CAMK4: variants seen among roughly 807,000 people sequenced by gnomAD.
The protein encoded by CAMK4 is calcium/calmodulin-dependent protein kinase type IV.
Under a neutral mutation model 44.9 loss-of-function variants are expected in CAMK4, and 22 were observed. That is an observed-to-expected ratio of 0.49 (90% CI 0.35 to 0.70). CAMK4 has a LOEUF of 0.70. CAMK4 is among the 30% of genes least tolerant of loss of function. CAMK4 has a pLI of 0.01. For missense variants in CAMK4, 498 were observed against 586.8 expected (o/e 0.85, Z 1.56); for synonymous variants, 218 against 215.4 (o/e 1.01, Z -0.11).
Position 111,272,120 on chromosome 5 carries a change from T to C in CAMK4, c.161+47476T>C, listed in dbSNP as rs564002735. Reference sequence around the variant, plus strand: ...GTGTGTGTGTGTTTGTGTGTGTGTTTGTGTGTGTGTGTGTGGTTATTGAAT... The same window carrying C: ...GTGTGTGTGTGTTTGTGTGTGTGTTCGTGTGTGTGTGTGTGGTTATTGAAT... On this transcript the variant is annotated intron_variant, in intron 1 of 10. Coordinates refer to ENST00000282356, the MANE Select transcript of CAMK4 (RefSeq NM_001744.6). Among the ~76,000 whole-genome samples the C allele has an allele frequency of 1.5e-4, 23 of 150,752 alleles. No individual in the cohort carries two copies. The East Asian group carries it at 4.5e-3, about 29-fold the overall frequency.
chr5:111,317,667 C>A (rs1440134353), intron 1 of CAMK4, among the ~76,000 whole-genome samples: 1 of 151,722 alleles, frequency 6.6e-6, no homozygotes, highest in Non-Finnish European at 1.5e-5. Context: ...ATCTGATGGT[C>A]AAGTAGGCCA....
chr5:111,363,920 T>C (rs1690218449), intron 2 of CAMK4, among the ~76,000 whole-genome samples: 1 of 152,138 alleles, frequency 6.6e-6, no homozygotes, highest in Non-Finnish European at 1.5e-5. Flanking sequence ...GATATCATTC[T>C]GGATGTTGTG....
intron 7 of CAMK4, among the ~76,000 whole-genome samples, chr5:111,464,569 C>T (rs1189033013): frequency 6.6e-6 from 1 of 152,074 alleles, no homozygotes; most frequent in African/African-American, 2.4e-5. Flanking sequence ...AGGAAATAAT[C>T]TTAAGAGCCA....
At chr5:111,363,199 A>G (rs976426671) in intron 2 of CAMK4, among the ~76,000 whole-genome samples, 3 of 152,114 alleles carry the variant, frequency 2.0e-5, no homozygotes, top group African/African-American at 4.8e-5. Context: ...AAGAGAATCT[A>G]GAGGCTCTTT....
At chr5:111,268,540 A>G (rs1235765662) in intron 1 of CAMK4, among the ~76,000 whole-genome samples, 1 of 152,224 alleles carries the variant, frequency 6.6e-6, no homozygotes, top group Non-Finnish European at 1.5e-5. Context: ...AAATCTAAAC[A>G]TTTGCAGGGA....
chr5:111,410,873 T>C (rs1368078250), intron 5 of CAMK4, among the ~76,000 whole-genome samples: 1 of 152,164 alleles, frequency 6.6e-6, no homozygotes, highest in East Asian at 1.9e-4. Flanking sequence ...TTTGATTTTA[T>C]TATTATTAAA....
chr5:111,391,558 A>G (rs1179094641), intron 4 of CAMK4, among the ~76,000 whole-genome samples: 1 of 152,108 alleles, frequency 6.6e-6, no homozygotes, highest in African/African-American at 2.4e-5. Flanking sequence ...AGTGTTACAA[A>G]ATAAGCTAAA....
intron 1 of CAMK4, among the ~76,000 whole-genome samples, chr5:111,282,091 C>T (rs1751047395): frequency 1.3e-5 from 2 of 151,904 alleles, no homozygotes. Context: ...GGAATTAGGG[C>T]AATGACTTCC....
chr5:111,303,781 G>C (rs1291494269), intron 1 of CAMK4, among the ~76,000 whole-genome samples: 2 of 146,490 alleles, frequency 1.4e-5, no homozygotes, highest in African/African-American at 2.7e-5. Context: ...GCAACTCGAA[G>C]ACACATAATT....
chr5:111,316,335 C>T (rs1463343655), intron 1 of CAMK4, among the ~76,000 whole-genome samples: 2 of 152,154 alleles, frequency 1.3e-5, no homozygotes, highest in African/African-American at 2.4e-5. Flanking sequence ...ACCACTGTCC[C>T]ACTTAACTGT....
chr5:111,439,197 T>C (rs1018305452), intron 5 of CAMK4, among the ~76,000 whole-genome samples: 7 of 152,154 alleles, frequency 4.6e-5, no homozygotes, highest in African/African-American at 1.7e-4. Context: ...CTGGAAACTT[T>C]GGAAAGATGC....
At chr5:111,309,922 G>A (rs947909570) in intron 1 of CAMK4, among the ~76,000 whole-genome samples, 2 of 152,094 alleles carry the variant, frequency 1.3e-5, no homozygotes, top group Non-Finnish European at 2.9e-5. Flanking sequence ...TAATTTGCAG[G>A]AAAATAAATG....
intron 1 of CAMK4, among the ~76,000 whole-genome samples, chr5:111,284,573 T>C (rs1751163089): frequency 6.6e-6 from 1 of 152,178 alleles, no homozygotes; most frequent in Non-Finnish European, 1.5e-5. Flanking sequence ...TCTCTTGCTC[T>C]ACCTCCCCAC....
At chr5:111,451,191 A>G (rs1754219260) in intron 7 of CAMK4, among the ~76,000 whole-genome samples, 1 of 152,170 alleles carries the variant, frequency 6.6e-6, no homozygotes, top group Non-Finnish European at 1.5e-5. Context: ...GCTCAGGAAT[A>G]AGAATCCAGG....
intron 3 of CAMK4, among the ~76,000 whole-genome samples, chr5:111,375,199 A>G (rs1008066334): frequency 6.6e-6 from 1 of 152,182 alleles, no homozygotes; most frequent in Non-Finnish European, 1.5e-5. Flanking sequence ...TCTCCAACAA[A>G]ACACTGGCTT....
chr5:111,348,416 T>C (rs192648244), intron 2 of CAMK4, among the ~76,000 whole-genome samples: 140 of 152,134 alleles, frequency 9.2e-4, no homozygotes, highest in African/African-American at 3.2e-3. Flanking sequence ...TGAATTGTCA[T>C]GTTTAGATAA....
intron 7 of CAMK4, among the ~76,000 whole-genome samples, chr5:111,456,110 A>G (rs1754402970): frequency 6.6e-6 from 1 of 152,102 alleles, no homozygotes; most frequent in Admixed American, 6.5e-5. Flanking sequence ...TGTCCTCACA[A>G]GAGTAAGTCC....
chr5:111,387,529 T>C (rs1751648145), intron 4 of CAMK4, among the ~76,000 whole-genome samples: 1 of 152,196 alleles, frequency 6.6e-6, no homozygotes, highest in African/African-American at 2.4e-5. Flanking sequence ...TGCATTGTCC[T>C]CTGGGAAGCA....
intron 2 of CAMK4, among the ~76,000 whole-genome samples, chr5:111,344,396 T>TTA (rs5870441): frequency 0.013 from 1,897 of 149,764 alleles, 43 homozygotes; most frequent in African/African-American, 0.044. Flanking sequence ...CTTGGAGATT[T>TTA]TATATATATA....
Sources: allele counts gnomAD v4.1 joint callset (sites outside exome capture counted in the v4.1 genomes callset), GRCh38; gene constraint gnomAD v4.1.1; transcripts MANE v1.5; gene names NCBI Gene and HGNC (gene_info 2026-07-23, HGNC 2026-07-21).